The following HELZ variants were observed in gnomAD, a reference collection of about 807,000 sequenced individuals.
HELZ encodes ATP-dependent RNA helicase with zinc finger domain.
A neutral mutation model predicts 218.2 loss-of-function variants in HELZ; 23 were observed. The ratio of observed to expected loss-of-function variants is 0.11; its 90% CI spans 0.08 to 0.15. HELZ has a LOEUF of 0.15. Ranked by LOEUF, HELZ falls within the 10% of genes least tolerant of loss-of-function variation. The pLI is 1.00. For synonymous variants in HELZ, 814 were observed against 829.4 expected, an observed-to-expected ratio of 0.98 and a Z score of 0.32; for missense variants, 1,813 against 2,353.7, an observed-to-expected ratio of 0.77 and a Z score of 4.75.
chr17:67,158,949 G>A (rs974165661), intron 17 of HELZ, among the ~76,000 whole-genome samples: 2 of 152,070 alleles, frequency 1.3e-5, no homozygotes, highest in Non-Finnish European at 2.9e-5. Context: ...ATTTGAGGGG[G>A]CTTTACTCCA....
At chr17:67,082,382 G>C (rs1488499762) in intron 32 of HELZ, among the ~76,000 whole-genome samples, 1 of 152,110 alleles carries the variant, frequency 6.6e-6, no homozygotes, top group Non-Finnish European at 1.5e-5. Context: ...AAACACACTA[G>C]TGACACCTGA....
At chr17:67,235,749 C>CTTTTTTTTT (rs1216322685) in intron 3 of HELZ, among the ~76,000 whole-genome samples, 5 of 78,670 alleles carry the variant, frequency 6.4e-5, no homozygotes, top group Admixed American at 1.7e-4. Context: ...ACCACACACT[C>CTTTTTTTTT]TTTTTTTTTT....
chr17:67,082,663 A>G (rs369689590), intron 32 of HELZ, among the ~76,000 whole-genome samples: 4 of 152,286 alleles, frequency 2.6e-5, no homozygotes, highest in African/African-American at 9.6e-5. Context: ...TTTTGTGAAT[A>G]AAACAATGGC....
chr17:67,107,387 T>C lies in HELZ; in HGVS notation c.5023A>G (p.Lys1675Glu). Residue 1675 changes from lysine (K) to glutamate (E), a missense_variant, in exon 31 of 33, where the codon AAA (lysine) becomes GAA (glutamate). Transcript: ENST00000358691. The part of the protein sequence containing the change: ...PSEHLAPPPL[K>E]YLAPDGAWTF... ...CATGCTCCATCAGGTGCCAGGTATTTCAAGGGAGGAGGGGCAAGGTGTTCA... is the reference window on the plus strand; with the variant it reads ...CATGCTCCATCAGGTGCCAGGTATTCCAAGGGAGGAGGGGCAAGGTGTTCA... 1 of 1,614,162 alleles carries C rather than the reference T, an allele frequency of 6.2e-7. No individual in the cohort carries two copies. The highest frequency in any genetic ancestry group is 8.5e-7 in the Non-Finnish European group (1 of 1,180,030).
In HELZ at chr17:67,123,112, G is replaced by A; in HGVS notation, c.3488C>T (p.Thr1163Ile). Residue 1163 changes from threonine to isoleucine, a missense_variant, in exon 26 of 33, where the codon ACT (threonine) becomes ATT (isoleucine). By Grantham distance (89) the Thr-to-Ile change is moderately conservative (BLOSUM62 -1). Coordinates refer to ENST00000358691, the MANE Select transcript of HELZ (RefSeq NM_014877.4). ...GTGAGGTCCAAGAGGGGGTGGAGGA[G>A]TATATGCTCTAATAGGATTGCCAAT... Reference protein sequence around the residue: ...VLIGNPIRAYTPPPPLGPHPN... With the variant: ...VLIGNPIRAYIPPPPLGPHPN... 3 of 1,613,670 alleles carry A rather than the reference G, an allele frequency of 1.9e-6. No individual in the cohort carries two copies. Among genetic ancestry groups the A allele is most frequent in the Non-Finnish European group, 1.7e-6 (2 of 1,179,600 alleles).
At position 67,188,362 on chromosome 17, in the gene HELZ, T is replaced by C; in HGVS notation, c.1119A>G (p.Pro373=). 6.2e-7 allele frequency: 1 copy of C among 1,613,910 alleles called. No homozygotes were observed. Among genetic ancestry groups the C allele is most frequent in the East Asian group, 2.2e-5 (1 of 44,872 alleles). Residue 373 remains proline, a synonymous_variant, in exon 12 of 33, where the codon CCA becomes CCG. Transcript: ENST00000358691. The surrounding 1 kb of genome is among the most constrained non-coding windows in gnomAD (Gnocchi z 4.1). ...QTIVFDFGLE[P]VLMQRVMIDA... ...CAATCATTACTCTTTGCATGAGTAC[T>C]GGTTCCAATCCAAAGTCGAAAACTA...
chr17:67,111,548 C>A (rs537014587), intron 28 of HELZ, among the ~76,000 whole-genome samples: 2 of 152,286 alleles, frequency 1.3e-5, no homozygotes, highest in Non-Finnish European at 1.5e-5. Flanking sequence ...TGAGTTGCAG[C>A]TGGGGTACAC....
chr17:67,235,749 C>CTTTTTT lies in HELZ; in HGVS notation c.-19+3678_-19+3683dup, dbSNP rs1216322685. On this transcript the variant is annotated intron_variant, in intron 3 of 32. Coordinates refer to ENST00000358691, the MANE Select transcript of HELZ (RefSeq NM_014877.4). ...TCATTTACCATTTTGACCACACACT[C>CTTTTTT]TTTTTTTTTTTTTTTTTTTTTTTTG... Among the ~76,000 whole-genome samples, 61 of 78,668 alleles carry CTTTTTT rather than the reference C, an allele frequency of 7.8e-4. 2 individuals carry two copies. Among genetic ancestry groups the CTTTTTT allele is most frequent in the African/African-American group, 1.4e-3 (26 of 18,206 alleles). The allele number at this position is 78,668 out of a possible 152,430, so 51.6% of individuals were successfully genotyped here.
At chr17:67,092,480 C>G (rs970162904) in intron 31 of HELZ, among the ~76,000 whole-genome samples, 4 of 152,102 alleles carry the variant, frequency 2.6e-5, no homozygotes, top group African/African-American at 4.8e-5. Flanking sequence ...TACTCCTCCC[C>G]GCAACAACAG....
At chr17:67,154,767 C>T (rs934905410) in intron 17 of HELZ, among the ~76,000 whole-genome samples, 1 of 152,216 alleles carries the variant, frequency 6.6e-6, no homozygotes, top group African/African-American at 2.4e-5. Context: ...AAATTTTACA[C>T]AATGTAGATA....
chr17:67,122,837 T>C (rs2037656689), intron 26 of HELZ, 133 bp downstream of exon 26: 5 of 603,580 alleles, frequency 8.3e-6, no homozygotes, highest in Non-Finnish European at 1.4e-5. Flanking sequence ...TAACATTTGC[T>C]TTAAAAGAAG....
intron 3 of HELZ, among the ~76,000 whole-genome samples, chr17:67,233,392 T>C (rs921310373): frequency 2.0e-5 from 3 of 152,000 alleles, no homozygotes; most frequent in Non-Finnish European, 2.9e-5. Context: ...GAAAATAAAG[T>C]CCTCACTCCC....
intron 5 of HELZ, among the ~76,000 whole-genome samples, chr17:67,213,912 G>A (rs368053239): frequency 1.8e-4 from 28 of 152,276 alleles, no homozygotes; most frequent in African/African-American, 6.7e-4. Flanking sequence ...AAAGCAAGGT[G>A]CTAGGTGATG....
At chr17:67,245,934 G>T (rs1307799882), upstream of HELZ, 1 of 152,192 alleles carries the variant, frequency 6.6e-6, no homozygotes, top group Non-Finnish European at 1.5e-5. Context: ...GCCACCCTGG[G>T]AGCGTCCGGG....
chr17:67,199,456 G>A (rs1458714135), intron 7 of HELZ, among the ~76,000 whole-genome samples: 5 of 151,992 alleles, frequency 3.3e-5, no homozygotes, highest in Admixed American at 6.6e-5. Flanking sequence ...CAGGTGATCT[G>A]CCCGCCTTGG....
Position 67,151,116 on chromosome 17 carries a change from A to C in HELZ, c.2286T>G (p.Ile762Met), listed in dbSNP as rs750989078. Reference sequence around the variant, plus strand: ...TAACAACCACCACTCGATGTTTAAGAATATCTTCTTTCTGGGGCATCTGAA... The same window carrying C: ...TAACAACCACCACTCGATGTTTAAGCATATCTTCTTTCTGGGGCATCTGAA... ...STFQMPQKED[I>M]LKHRVVVVTL... Residue 762 changes from isoleucine to methionine, a missense_variant, in exon 18 of 33, where the codon ATT becomes ATG. This residue lies in a region of HELZ where 714 missense variants were observed against 1,029.2 expected (regional missense o/e 0.69). Coordinates refer to ENST00000358691, the MANE Select transcript of HELZ (RefSeq NM_014877.4). The C allele has an allele frequency of 6.2e-7, 1 of 1,613,978 alleles. No individual in the cohort carries two copies. The highest frequency in any genetic ancestry group is 1.7e-5 in the Admixed American group (1 of 60,000).
At chr17:67,225,078 G>GT (rs1390488531) in intron 3 of HELZ, 1 of 534,124 alleles carries the variant, frequency 1.9e-6, no homozygotes, top group Admixed American at 2.7e-5. Context: ...AAAATCTTGA[G>GT]TTTATGTTTA....
At chr17:67,170,688 G>A (rs966828868) in intron 13 of HELZ, among the ~76,000 whole-genome samples, 10 of 151,900 alleles carry the variant, frequency 6.6e-5, no homozygotes, top group East Asian at 1.9e-4. Context: ...TTACCTGGGC[G>A]TGATGGCCCG....
rs1012075583 is a variant in HELZ, at chr17:67,191,215, A to G, written c.558-860T>C. 5.3e-5 allele frequency among the ~76,000 whole-genome samples: 8 copies of G among 152,176 alleles called. No homozygotes were observed. In the East Asian group the frequency reaches 1.5e-3, roughly 29 times the overall value. On this transcript the variant is annotated intron_variant, in intron 9 of 32. Coordinates refer to ENST00000358691, the MANE Select transcript of HELZ (RefSeq NM_014877.4). ...ACATAGTGATTTTACTCTTTTCTAC[A>G]TTACTATTACCTATATTTCAGTGAA...
Sources: allele counts gnomAD v4.1 joint callset (sites outside exome capture counted in the v4.1 genomes callset), GRCh38; gene constraint gnomAD v4.1.1; regional missense constraint gnomAD v4.1.1; non-coding constraint Gnocchi (gnomAD v3.1); transcripts MANE v1.5; gene names NCBI Gene and HGNC (gene_info 2026-07-23, HGNC 2026-07-21).